Variants in TNKS observed in about 807,000 individuals in gnomAD.
TNKS encodes the protein poly [ADP-ribose] polymerase tankyrase-1.
Under a neutral mutation model 135.8 loss-of-function variants are expected in TNKS, and 72 were observed. The ratio of observed to expected loss-of-function variants is 0.53; its 90% CI spans 0.44 to 0.64. The LOEUF (loss-of-function observed/expected upper bound fraction) is 0.64, where lower values mean the gene tolerates loss of function less well. TNKS is among the 30% of genes least tolerant of loss of function. TNKS has a pLI of 0.00. For missense variants in TNKS, 1,769 were observed against 1,674.0 expected, an observed-to-expected ratio of 1.06 and a Z score of -0.99; for synonymous variants, 849 against 649.3, an observed-to-expected ratio of 1.31 and a Z score of -4.68.
In TNKS at chr8:9,556,224, A is replaced by T. The variant is rs139926450; in HGVS notation, c.285A>T (p.Thr95=). The change falls in exon 1 of 27, where the codon ACA becomes ACT. Residue 95 remains threonine (T), a synonymous_variant. Transcript: ENST00000310430. ...CCAGCTGTTGCAGTACCACCAGCAC[A>T]ATCTGTACCGTCGCCGCCGCTCCCG... The part of the protein sequence containing the change: ...DGTSCCSTTS[T]ICTVAAAPVV... 212 of 1,614,158 alleles carry T rather than the reference A, an allele frequency of 1.3e-4. No homozygotes were observed. The African/African-American group carries it at 2.6e-3, about 19-fold the overall frequency.
intron 11 of TNKS, among the ~76,000 whole-genome samples, chr8:9,719,834 A>G (rs1804787720): frequency 1.3e-5 from 2 of 152,226 alleles, no homozygotes; most frequent in Non-Finnish European, 2.9e-5. Context: ...AAGCTTTAAA[A>G]AGGAATGTTT....
At chr8:9,635,157 G>C in intron 3 of TNKS, among the ~76,000 whole-genome samples, 1 of 150,668 alleles carries the variant, frequency 6.6e-6, no homozygotes, top group African/African-American at 2.4e-5. Context: ...ACGACAGAGC[G>C]AGACTCCGTC....
chr8:9,761,410 T>C, intron 20 of TNKS, 106 bp from the exon 21 acceptor site: 1 of 1,214,658 alleles, frequency 8.2e-7, no homozygotes, highest in Non-Finnish European at 1.1e-6. Flanking sequence ...AACAAAAGAA[T>C]TTTCTTAATT....
At chr8:9,601,158 A>G (rs1799002224) in intron 2 of TNKS, among the ~76,000 whole-genome samples, 1 of 152,234 alleles carries the variant, frequency 6.6e-6, no homozygotes, top group Non-Finnish European at 1.5e-5. Flanking sequence ...TGTATAAAAT[A>G]GAAAGTGGAA....
Position 9,599,262 on chromosome 8 carries a change from G to C in TNKS, c.899-16320G>C, listed in dbSNP as rs922841807. 2.6e-5 allele frequency among the ~76,000 whole-genome samples: 4 copies of C among 152,298 alleles called. No individual in the cohort carries two copies. In the East Asian group the frequency reaches 7.7e-4, roughly 29 times the overall value. ...ATCCAGCAGATCTTCTGTTAGCACT[G>C]TATATCTATTTTTGAAAGACAGATG... On this transcript the variant is annotated intron_variant, in intron 2 of 26. Transcript: ENST00000310430.
chr8:9,687,276 A>G (rs11249938), intron 5 of TNKS, among the ~76,000 whole-genome samples: 113,375 of 152,062 alleles, frequency 0.75, 42,399 homozygotes, highest in Middle Eastern at 0.82. Context: ...GTAAGTCTGC[A>G]TTAGGGAACT....
chr8:9,733,563 C>T (rs1246379026), intron 15 of TNKS, 119 bp downstream of exon 15: 5 of 795,998 alleles, frequency 6.3e-6, no homozygotes, highest in Admixed American at 2.9e-5. Flanking sequence ...AGACTGCTCT[C>T]ATTTTCTATT....
At chr8:9,669,120 A>T (rs1802142552) in intron 3 of TNKS, among the ~76,000 whole-genome samples, 1 of 152,176 alleles carries the variant, frequency 6.6e-6, no homozygotes. Flanking sequence ...AATTGTAGCA[A>T]TAAGAATGGA....
intron 1 of TNKS, among the ~76,000 whole-genome samples, chr8:9,576,089 T>C (rs1480975477): frequency 1.3e-5 from 2 of 152,194 alleles, no homozygotes; most frequent in African/African-American, 2.4e-5. Context: ...TCTGTCCTCA[T>C]GGCCAGTCAC....
intron 3 of TNKS, among the ~76,000 whole-genome samples, chr8:9,626,375 A>G (rs1800053475): frequency 6.6e-6 from 1 of 152,208 alleles, no homozygotes; most frequent in Non-Finnish European, 1.5e-5. Context: ...GAATTGGTAT[A>G]CTTAGGCGCT....
chr8:9,673,032 T>G (rs1278006225), intron 3 of TNKS, among the ~76,000 whole-genome samples: 1 of 152,190 alleles, frequency 6.6e-6, no homozygotes, highest in Non-Finnish European at 1.5e-5. Flanking sequence ...CCTTTTAATA[T>G]CCAATTTAAA....
chr8:9,683,240 A>T (rs1194695741), intron 5 of TNKS, among the ~76,000 whole-genome samples: 3 of 151,988 alleles, frequency 2.0e-5, no homozygotes, highest in African/African-American at 7.2e-5. Context: ...TGGTTATGTC[A>T]GTTTGTTTTT....
rs1311558062 is a variant in TNKS, at chr8:9,580,197, A to G, written c.712A>G (p.Met238Val). The G allele has an allele frequency of 2.5e-6, 4 of 1,613,988 alleles. No homozygotes were observed. The highest frequency in any genetic ancestry group is 3.3e-5 in the Admixed American group (2 of 59,990). The change falls in exon 2 of 27, where the codon ATG becomes GTG. Residue 238 changes from methionine (M) to valine (V), a missense_variant. Coordinates refer to ENST00000310430, the MANE Select transcript of TNKS (RefSeq NM_003747.3). ...GGATGTTGTAGAACACTTACTACAGATGGGTGCTAATGTCCACGCTCGTGA... is the reference window on the plus strand; with the variant it reads ...GGATGTTGTAGAACACTTACTACAGGTGGGTGCTAATGTCCACGCTCGTGA... ...RKDVVEHLLQ[M>V]GANVHARDDG...
At chr8:9,672,704 AC>A (rs1272450953) in intron 3 of TNKS, among the ~76,000 whole-genome samples, 23 of 125,494 alleles carry the variant, frequency 1.8e-4, no homozygotes, top group African/African-American at 6.1e-4. Flanking sequence ...ACACACACAC[AC>A]ACACACAAAA....
At chr8:9,708,853 T>G (rs533837378) in intron 9 of TNKS, among the ~76,000 whole-genome samples, 2 of 152,270 alleles carry the variant, frequency 1.3e-5, no homozygotes, top group African/African-American at 4.8e-5. Context: ...TGTAGAAGAT[T>G]AAAGTATATT....
chr8:9,575,152 T>C, intron 1 of TNKS: 1 of 825,318 alleles, frequency 1.2e-6, no homozygotes, highest in Non-Finnish European at 1.5e-6. Context: ...AGGGGCGCGA[T>C]CTCGGCTCAT....
At chr8:9,745,724 C>G (rs12234900) in intron 17 of TNKS, among the ~76,000 whole-genome samples, 13,451 of 151,940 alleles carry the variant, frequency 0.089, 708 homozygotes, top group South Asian at 0.17. Flanking sequence ...TTTTTGGGGG[C>G]GTTTTTTGCT....
At chr8:9,598,905 G>C (rs1193235430) in intron 2 of TNKS, among the ~76,000 whole-genome samples, 10 of 149,748 alleles carry the variant, frequency 6.7e-5, no homozygotes, top group Non-Finnish European at 1.3e-4. Flanking sequence ...AGAGGAAGTA[G>C]AGTTAGCAGT....
At chr8:9,772,809 TTGTGTGTGTGTGTGTGTGTGTCTGTGTG>T (rs1259169231) in intron 26 of TNKS, among the ~76,000 whole-genome samples, 93 of 86,692 alleles carry the variant, frequency 1.1e-3, no homozygotes, top group East Asian at 2.7e-3. Context: ...GTGTGTGTGT[TTGTGTGTGTGTGTGTGTGTGTCTGTGTG>T]TGTGTGTGTG....
Sources: allele counts gnomAD v4.1 joint callset (sites outside exome capture counted in the v4.1 genomes callset), GRCh38; gene constraint gnomAD v4.1.1; transcripts MANE v1.5; gene names NCBI Gene and HGNC (gene_info 2026-07-23, HGNC 2026-07-21).